The following NSUN3 variants were observed in gnomAD, a reference collection of about 807,000 sequenced individuals.
The protein encoded by NSUN3 is NOP2/Sun RNA methyltransferase 3.
In NSUN3, 24 loss-of-function variants were observed where a neutral mutation model predicts 36.8. The ratio of observed to expected loss-of-function variants is 0.65; its 90% confidence interval spans 0.47 to 0.92. The LOEUF is 0.92. Ranked by LOEUF, NSUN3 falls within the 40% of genes least tolerant of loss-of-function variation. The pLI is 0.00. For synonymous variants in NSUN3, 146 were observed against 145.2 expected (o/e 1.01, Z -0.04); for missense variants, 381 against 392.8 (o/e 0.97, Z 0.25).
At chr3:94,101,087 G>A (rs1362465112) in intron 5 of NSUN3, among the ~76,000 whole-genome samples, 1 of 151,932 alleles carries the variant, frequency 6.6e-6, no homozygotes, top group African/African-American at 2.4e-5. Context: ...AATCTCCTGG[G>A]CTCAAGTGAT....
intron 5 of NSUN3, among the ~76,000 whole-genome samples, chr3:94,121,120 C>T (rs1034140752): frequency 1.3e-5 from 2 of 152,128 alleles, no homozygotes; most frequent in African/African-American, 4.8e-5. Flanking sequence ...GATTTGTTAC[C>T]TTTGCGCTTC....
chr3:94,076,303 C>A, intron 2 of NSUN3: 1 of 871,088 alleles, frequency 1.1e-6, no homozygotes, highest in Non-Finnish European at 2.0e-6. Flanking sequence ...GTCTTGTCAG[C>A]TGATCCTGTG....
At chr3:94,074,263 A>C (rs1026761846) in intron 2 of NSUN3, among the ~76,000 whole-genome samples, 1 of 152,124 alleles carries the variant, frequency 6.6e-6, no homozygotes, top group Non-Finnish European at 1.5e-5. Flanking sequence ...CTTTTTCCTT[A>C]GGATTGTCTT....
At chr3:94,115,810 C>T (rs772278319) in intron 5 of NSUN3, among the ~76,000 whole-genome samples, 18 of 151,916 alleles carry the variant, frequency 1.2e-4, no homozygotes, top group Non-Finnish European at 2.2e-4. Flanking sequence ...AGAATAGATC[C>T]GAGAAAGAGA....
At chr3:94,120,013 A>C (rs1247136597) in intron 5 of NSUN3, among the ~76,000 whole-genome samples, 1 of 152,278 alleles carries the variant, frequency 6.6e-6, no homozygotes, top group African/African-American at 2.4e-5. Flanking sequence ...CAACATTGGC[A>C]ACATTATAGA....
At position 94,095,085 on chromosome 3, in the gene NSUN3, A is replaced by G; in HGVS notation, c.674A>G (p.Asp225Gly). The change falls in exon 5 of 6, where the codon GAC becomes GGC. Residue 225 changes from aspartate to glycine, a missense_variant. Physicochemically the swap from Asp to Gly is moderately conservative, Grantham distance 94. Transcript: ENST00000314622. ...GATCGAAGCTGGTTGTTTTCTTCTGACTCTCAGAAGGCATCCTGTAGGATA... is the reference window on the plus strand; with the variant it reads ...GATCGAAGCTGGTTGTTTTCTTCTGGCTCTCAGAAGGCATCCTGTAGGATA... ...SNDRSWLFSS[D>G]SQKASCRISQ... is the part of the protein sequence containing the mutation. The G allele has an allele frequency of 6.2e-7, 1 of 1,613,720 alleles. No homozygotes were observed. The highest frequency in any genetic ancestry group is 1.3e-5 in the African/African-American group (1 of 74,920).
chr3:94,084,034 T>A, intron 2 of NSUN3, 73 bp from the exon 3 acceptor site: 1 of 1,096,090 alleles, frequency 9.1e-7, no homozygotes, highest in Non-Finnish European at 1.3e-6. Context: ...CACATTCACC[T>A]GATTCGTAAT....
chr3:94,117,711 T>C (rs1054347375), intron 5 of NSUN3, among the ~76,000 whole-genome samples: 4 of 152,196 alleles, frequency 2.6e-5, no homozygotes, highest in African/African-American at 9.6e-5. Context: ...TTCTACTATA[T>C]ATTTTTTCTT....
At chr3:94,089,272 C>T (rs138278717) in intron 3 of NSUN3, among the ~76,000 whole-genome samples, 2 of 152,208 alleles carry the variant, frequency 1.3e-5, no homozygotes, top group African/African-American at 4.8e-5. Flanking sequence ...AATCATCAGG[C>T]GATGACTTAG....
At position 94,064,423 on chromosome 3, in the gene NSUN3, T is replaced by G; in HGVS notation, c.13-14T>G. 6.4e-7 allele frequency: 1 copy of G among 1,560,518 alleles called. No homozygotes were observed. Among genetic ancestry groups the G allele is most frequent in the Non-Finnish European group, 8.8e-7 (1 of 1,131,714 alleles). On this transcript the variant is annotated splice_polypyrimidine_tract_variant and intron_variant, in intron 1 of 5. Transcript: ENST00000314622. ...ATATCACTGTGTGTCAGCAACTTTT[T>G]CTTATCGTCATAGCTGAAAGCAAAA...
intron 2 of NSUN3, among the ~76,000 whole-genome samples, chr3:94,083,602 C>T (rs913286064): frequency 6.6e-6 from 1 of 152,140 alleles, no homozygotes; most frequent in Non-Finnish European, 1.5e-5. Flanking sequence ...TACAAAGTTC[C>T]ACTTCTATGC....
At chr3:94,072,602 T>C (rs1292758806) in intron 2 of NSUN3, among the ~76,000 whole-genome samples, 1 of 151,962 alleles carries the variant, frequency 6.6e-6, no homozygotes, top group East Asian at 1.9e-4. Flanking sequence ...TTCAGGGAGG[T>C]TGGGGGCCGG....
intron 5 of NSUN3, among the ~76,000 whole-genome samples, chr3:94,119,590 C>T (rs1012843589): frequency 2.6e-5 from 4 of 151,778 alleles, no homozygotes; most frequent in Non-Finnish European, 5.9e-5. Context: ...CAGACTGGTA[C>T]TGGTCTGTAG....
chr3:94,111,809 A>G (rs2077419156), intron 5 of NSUN3, among the ~76,000 whole-genome samples: 1 of 151,400 alleles, frequency 6.6e-6, no homozygotes, highest in Non-Finnish European at 1.5e-5. Flanking sequence ...AAGCTGTTTT[A>G]CAGTTACCTT....
chr3:94,103,159 T>C (rs529516480), intron 5 of NSUN3, among the ~76,000 whole-genome samples: 1 of 152,260 alleles, frequency 6.6e-6, no homozygotes, highest in East Asian at 1.9e-4. Flanking sequence ...AGTGCTGGGA[T>C]TGCAGGCATG....
At chr3:94,087,089 T>C (rs1009701057) in intron 3 of NSUN3, among the ~76,000 whole-genome samples, 1 of 152,228 alleles carries the variant, frequency 6.6e-6, no homozygotes, top group Non-Finnish European at 1.5e-5. Flanking sequence ...AGAAGAATCT[T>C]CCTGTTCTTA....
intron 2 of NSUN3, chr3:94,076,359 C>T: frequency 1.2e-6 from 1 of 818,952 alleles, no homozygotes; most frequent in Non-Finnish European, 2.2e-6. Context: ...TTCACTTCAG[C>T]AGTGTGAGCG....
chr3:94,092,000 A>T (rs1206874725), intron 3 of NSUN3, among the ~76,000 whole-genome samples: 1 of 152,170 alleles, frequency 6.6e-6, no homozygotes, highest in Non-Finnish European at 1.5e-5. Context: ...CACTGCCACA[A>T]ATTGAAGAGC....
intron 5 of NSUN3, among the ~76,000 whole-genome samples, chr3:94,102,364 TG>T (rs1553852444): frequency 1.9e-4 from 29 of 152,124 alleles, no homozygotes; most frequent in Non-Finnish European, 2.1e-4. Flanking sequence ...TTTGAATATA[TG>T]GGGCTATCAG....
Sources: allele counts gnomAD v4.1 joint callset (sites outside exome capture counted in the v4.1 genomes callset), GRCh38; gene constraint gnomAD v4.1.1; transcripts MANE v1.5; gene names NCBI Gene and HGNC (gene_info 2026-07-23, HGNC 2026-07-21).